NRG2: variants seen among roughly 807,000 people sequenced by gnomAD.
NRG2 encodes the protein neuregulin 2, also known as pro-neuregulin-2, membrane-bound isoform.
NRG2 carries 27 observed loss-of-function variants against 73.9 expected under a neutral mutation model. That is an observed-to-expected ratio of 0.37 (90% CI 0.27 to 0.50). NRG2 has a LOEUF of 0.50. Ranked by LOEUF, NRG2 falls within the 20% of genes least tolerant of loss-of-function variation. NRG2 has a pLI of 0.96. For missense variants in NRG2, 1,126 were observed against 1,210.1 expected, an observed-to-expected ratio of 0.93 and a Z score of 1.03; for synonymous variants, 532 against 541.0, an observed-to-expected ratio of 0.98 and a Z score of 0.23.
chr5:139,980,817 G>T (rs1380570556), intron 1 of NRG2, among the ~76,000 whole-genome samples: 3 of 152,102 alleles, frequency 2.0e-5, no homozygotes, highest in African/African-American at 7.2e-5. Flanking sequence ...TTTTTTCTGA[G>T]CTTGTCAGGC....
Position 139,847,796 on chromosome 5 carries a change from T to C in NRG2, c.*121A>G, listed in dbSNP as rs1485383153. On this transcript the variant is annotated 3_prime_UTR_variant, in exon 10 of 10. Coordinates refer to ENST00000361474, the MANE Select transcript of NRG2 (RefSeq NM_004883.3). Reference sequence around the variant, plus strand: ...AAATAAAACATTTTGTTATACTTTTTTCCTTTTATAGAAAATAAAAATATT... The same window carrying C: ...AAATAAAACATTTTGTTATACTTTTCTCCTTTTATAGAAAATAAAAATATT... The C allele has an allele frequency of 1.5e-6, 1 of 684,416 alleles. No individual in the cohort carries two copies. The highest frequency in any genetic ancestry group is 4.4e-5 in the Admixed American group (1 of 22,926). The allele number at this position is 684,416 out of a possible 1,614,324, so 42.4% of individuals were successfully genotyped here.
intron 1 of NRG2, among the ~76,000 whole-genome samples, chr5:139,982,823 G>A (rs947980290): frequency 1.3e-5 from 2 of 152,200 alleles, no homozygotes; most frequent in Non-Finnish European, 2.9e-5. Context: ...GCTGGCTGAG[G>A]AGTAGTCTTG....
At chr5:139,867,798 A>G (rs55746650) in intron 4 of NRG2, among the ~76,000 whole-genome samples, 4,552 of 55,266 alleles carry the variant, frequency 0.082, 14 homozygotes, top group South Asian at 0.12. Flanking sequence ...GTGTGTGTGT[A>G]TGAGTGTGTG....
At chr5:139,906,518 C>A (rs1765242238) in intron 1 of NRG2, among the ~76,000 whole-genome samples, 1 of 152,166 alleles carries the variant, frequency 6.6e-6, no homozygotes, top group South Asian at 2.1e-4. Flanking sequence ...CTATACTAAT[C>A]TCTCTGCCCA....
At chr5:139,861,644 C>T in intron 5 of NRG2, 1 of 466,824 alleles carries the variant, frequency 2.1e-6, no homozygotes, top group Non-Finnish European at 4.3e-6. Context: ...TGCATTCCCA[C>T]TCTGACTGCT....
chr5:139,961,378 C>G (rs1309308290), intron 1 of NRG2, among the ~76,000 whole-genome samples: 1 of 151,256 alleles, frequency 6.6e-6, no homozygotes, highest in Non-Finnish European at 1.5e-5. Context: ...CTCCTCCCCT[C>G]CTGCCAGGAC....
At chr5:139,924,203 C>T (rs988995501) in intron 1 of NRG2, among the ~76,000 whole-genome samples, 1 of 152,146 alleles carries the variant, frequency 6.6e-6, no homozygotes, top group Non-Finnish European at 1.5e-5. Flanking sequence ...GGGGAGAGCC[C>T]CTGGCTGTCT....
At chr5:139,980,226 G>C (rs1317219620) in intron 1 of NRG2, among the ~76,000 whole-genome samples, 1 of 152,086 alleles carries the variant, frequency 6.6e-6, no homozygotes, top group Non-Finnish European at 1.5e-5. Flanking sequence ...ACACAGGTGA[G>C]GCAGCCCAGC....
intron 9 of NRG2, 148 bp from the exon 10 acceptor site, chr5:139,848,845 C>G: frequency 1.4e-6 from 1 of 695,714 alleles, no homozygotes; most frequent in South Asian, 2.0e-5. Flanking sequence ...CGGCAGCAAC[C>G]CTCAGTGGCC....
Position 139,887,958 on chromosome 5 carries a change from C to A in NRG2, c.701-447G>T, listed in dbSNP as rs1234826758. Among the ~76,000 whole-genome samples, 1 of 152,152 alleles carries A rather than the reference C, an allele frequency of 6.6e-6. No individual in the cohort carries two copies. The highest frequency in any genetic ancestry group is 2.1e-4 in the South Asian group (1 of 4,826). On this transcript the variant is annotated intron_variant, in intron 1 of 9. Coordinates refer to ENST00000361474, the MANE Select transcript of NRG2 (RefSeq NM_004883.3). The surrounding 1 kb of genome is among the most constrained non-coding windows in gnomAD (Gnocchi z 4.5). ...ATGGGTAACAAGCCATGGGGCTGTA[C>A]TGGTGGGCTCAGGCCCAATCACGGA...
chr5:139,942,766 A>T (rs532185507), intron 1 of NRG2, among the ~76,000 whole-genome samples: 1 of 152,342 alleles, frequency 6.6e-6, no homozygotes, highest in African/African-American at 2.4e-5. Flanking sequence ...TAATTAACTC[A>T]CCATTTGTAA....
At chr5:139,864,388 T>TC (rs1218456050) in intron 5 of NRG2, among the ~76,000 whole-genome samples, 2 of 149,882 alleles carry the variant, frequency 1.3e-5, no homozygotes, top group African/African-American at 4.9e-5. Flanking sequence ...TCTTCTTCTT[T>TC]TTTTTTTTTT....
chr5:140,043,296 G>A lies in NRG2; in HGVS notation c.-227C>T, dbSNP rs973166673. On this transcript the variant is annotated 5_prime_UTR_variant, in exon 1 of 10. Transcript: ENST00000361474. The surrounding 1 kb of genome is among the most constrained non-coding windows in gnomAD (Gnocchi z 6.7). ...ACCCTGTGCGCCAGGACCTGGAGGA[G>A]GATGCGGAGGATGGGACGCCCGCCC... 3.3e-5 allele frequency: 18 copies of A among 540,366 alleles called. No homozygotes were observed. The highest frequency in any genetic ancestry group is 5.8e-5 in the Non-Finnish European group (18 of 310,282). 33.5% of individuals were successfully genotyped at this position (540,366 alleles called of 1,614,324 possible). A position where few individuals can be genotyped will look rare whatever the true frequency, so the allele number is the denominator to read the frequency against.
At chr5:139,896,856 G>A (rs1052495169) in intron 1 of NRG2, among the ~76,000 whole-genome samples, 2 of 152,046 alleles carry the variant, frequency 1.3e-5, no homozygotes, top group African/African-American at 4.8e-5. Flanking sequence ...TGTGCCTCAC[G>A]GCCATTCAGA....
intron 1 of NRG2, among the ~76,000 whole-genome samples, chr5:140,005,723 G>C (rs926881918): frequency 6.6e-6 from 1 of 152,148 alleles, no homozygotes; most frequent in Non-Finnish European, 1.5e-5. Flanking sequence ...AGCTCCTCAG[G>C]CATCTCAAGC....
chr5:140,015,509 G>A (rs1411715394), intron 1 of NRG2, among the ~76,000 whole-genome samples: 2 of 152,168 alleles, frequency 1.3e-5, no homozygotes, highest in African/African-American at 4.8e-5. Flanking sequence ...GACATTAACG[G>A]AGATTCCATA....
At chr5:139,876,925 CTGTG>C (rs3082489) in intron 3 of NRG2, among the ~76,000 whole-genome samples, 19,364 of 141,500 alleles carry the variant, frequency 0.14, 1,397 homozygotes, top group African/African-American at 0.21. Flanking sequence ...GAATGTGCAT[CTGTG>C]TGTGTGTGTG....
chr5:139,941,206 T>C (rs1025688785), intron 1 of NRG2, among the ~76,000 whole-genome samples: 3 of 152,182 alleles, frequency 2.0e-5, no homozygotes, highest in Non-Finnish European at 4.4e-5. Context: ...AGCCAGGTAT[T>C]AAAGATTTTC....
intron 1 of NRG2, among the ~76,000 whole-genome samples, chr5:139,933,614 A>G (rs1041962238): frequency 2.0e-5 from 3 of 152,224 alleles, no homozygotes; most frequent in Non-Finnish European, 4.4e-5. Context: ...GACAGAACTA[A>G]GGAAAAAATA....
Sources: allele counts gnomAD v4.1 joint callset (sites outside exome capture counted in the v4.1 genomes callset), GRCh38; gene constraint gnomAD v4.1.1; non-coding constraint Gnocchi (gnomAD v3.1); transcripts MANE v1.5; gene names NCBI Gene and HGNC (gene_info 2026-07-23, HGNC 2026-07-21).